Variants in ODF2 observed in about 807,000 individuals in gnomAD.
ODF2 encodes outer dense fiber of sperm tails 2.
In ODF2, 47 loss-of-function variants were observed where a neutral mutation model predicts 110.2. The observed-to-expected ratio is 0.43, with a 90% CI of 0.34 to 0.54. The LOEUF (loss-of-function observed/expected upper bound fraction) is 0.54, where lower values mean the gene tolerates loss of function less well. ODF2 is among the 20% of genes least tolerant of loss of function. ODF2 has a pLI of 0.03. For synonymous variants in ODF2, 352 were observed against 397.7 expected, an observed-to-expected ratio of 0.89 and a Z score of 1.37; for missense variants, 812 against 1,054.5, an observed-to-expected ratio of 0.77 and a Z score of 3.19.
intron 6 of ODF2, 118 bp from the exon 7 acceptor site, chr9:128,472,795 C>T (rs1840352853): frequency 1.3e-6 from 2 of 1,489,252 alleles, no homozygotes; most frequent in East Asian, 4.6e-5. Flanking sequence ...TGTCCCTGCC[C>T]CCTCCCCTAC....
chr9:128,457,457 C>T (rs567151601), intron 2 of ODF2: 4 of 1,601,412 alleles, frequency 2.5e-6, no homozygotes, highest in Admixed American at 3.4e-5. Flanking sequence ...ATGTGGGAGG[C>T]GCCTGCGCCG....
chr9:128,477,942 C>A (rs116488265), intron 8 of ODF2, among the ~76,000 whole-genome samples: 4,135 of 152,126 alleles, frequency 0.027, 186 homozygotes, highest in African/African-American at 0.095. Context: ...ATAGTTGATT[C>A]CCTTTTGTGT....
At chr9:128,473,214 C>T in intron 7 of ODF2, 172 bp downstream of exon 7, 1 of 985,218 alleles carries the variant, frequency 1.0e-6, no homozygotes, top group Non-Finnish European at 1.2e-6. Context: ...AATCCTTGAC[C>T]CTTGAAGATG....
intron 1 of ODF2, chr9:128,456,961 C>G (rs117532043): frequency 8.1e-7 from 1 of 1,237,626 alleles, no homozygotes; most frequent in Non-Finnish European, 1.0e-6. Context: ...CCCCAGCATC[C>G]CCGCGGCTCC....
exon 21 of ODF2, chr9:128,500,091 C>G (rs1289158484): frequency 6.2e-7 from 1 of 1,614,154 alleles, no homozygotes; most frequent in Non-Finnish European, 8.5e-7. Flanking sequence ...CCAGAGCCGG[C>G]TGCAAGACCT....
chr9:128,457,058 C>A, intron 1 of ODF2: 1 of 1,307,458 alleles, frequency 7.6e-7, no homozygotes, highest in Non-Finnish European at 9.9e-7. Flanking sequence ...CCTCAGGTTT[C>A]CCCCGGTAGC....
chr9:128,469,468 C>T, intron 5 of ODF2, 115 bp downstream of exon 5: 1 of 1,117,880 alleles, frequency 8.9e-7, no homozygotes, highest in Non-Finnish European at 1.3e-6. Context: ...GCCTCCTCTG[C>T]AGGGTTGCCC....
chr9:128,466,240 C>A (rs546120443), intron 4 of ODF2, among the ~76,000 whole-genome samples: 1 of 152,032 alleles, frequency 6.6e-6, no homozygotes, highest in South Asian at 2.1e-4. Context: ...CTAAGGCAGG[C>A]GGTTCACCTG....
chr9:128,484,515 TG>T (rs1218017522), intron 11 of ODF2, among the ~76,000 whole-genome samples, 185 bp from the exon 12 acceptor site: 2 of 152,132 alleles, frequency 1.3e-5, no homozygotes, highest in African/African-American at 4.8e-5. Context: ...CGTGGGGAGC[TG>T]GGAGGGACTG....
At chr9:128,496,264 A>G in intron 18 of ODF2, 123 bp downstream of exon 18, 1 of 1,532,816 alleles carries the variant, frequency 6.5e-7, no homozygotes, top group Non-Finnish European at 8.8e-7. Context: ...GGTACTAGGC[A>G]GACCTCAGAG....
chr9:128,468,616 G>A (rs1196593920), intron 4 of ODF2, among the ~76,000 whole-genome samples: 2 of 151,988 alleles, frequency 1.3e-5, no homozygotes, highest in Admixed American at 1.3e-4. Flanking sequence ...TCTACCTCCC[G>A]GGTTCAAGCG....
At chr9:128,487,507 G>A (rs1173760687) in intron 13 of ODF2, among the ~76,000 whole-genome samples, 1 of 152,108 alleles carries the variant, frequency 6.6e-6, no homozygotes, top group Non-Finnish European at 1.5e-5. Context: ...TGTGTAATTG[G>A]CCGGGTGCGG....
intron 16 of ODF2, among the ~76,000 whole-genome samples, chr9:128,493,575 A>C (rs1435311465): frequency 6.6e-6 from 1 of 152,098 alleles, no homozygotes; most frequent in African/African-American, 2.4e-5. Context: ...GGTTTGGCTG[A>C]TTAGAGCAGC....
chr9:128,496,714 T>TTATCTATCTATCTATC (rs56716979), intron 18 of ODF2, among the ~76,000 whole-genome samples: 136 of 149,470 alleles, frequency 9.1e-4, no homozygotes, highest in African/African-American at 3.2e-3. Flanking sequence ...AAGGTAGAGT[T>TTATCTATCTATCTATC]TATCTATCTA....
In ODF2 at chr9:128,496,081, A is replaced by AAC. The variant is rs763524277; in HGVS notation, c.1954_1955dup (p.Gln653IlefsTer11). On this transcript the variant is annotated frameshift_variant, in exon 18 of 21. Transcript: ENST00000604420. LOFTEE classifies it high-confidence loss of function. ...GACAAGCTGGAGATGGCGAGAGAGA[A>AAC]ACATCAGGCTTCCCAGAAGGAAAAT... 4.3e-6 allele frequency: 7 copies of AAC among 1,613,932 alleles called. No individual in the cohort carries two copies. Among genetic ancestry groups the AAC allele is most frequent in the Non-Finnish European group, 5.1e-6 (6 of 1,179,998 alleles).
chr9:128,456,544 T>C, intron 1 of ODF2: 1 of 1,527,184 alleles, frequency 6.5e-7, no homozygotes, highest in Non-Finnish European at 8.7e-7. Flanking sequence ...CCTTTCTCTC[T>C]ATGGGCAGAA....
At chr9:128,492,287 G>C in intron 14 of ODF2, 139 bp from the exon 15 acceptor site, 1 of 651,748 alleles carries the variant, frequency 1.5e-6, no homozygotes, top group African/African-American at 1.8e-5. Context: ...CCTGCTTCTC[G>C]GTGCTTCTCT....
chr9:128,473,178 G>T, intron 7 of ODF2, 136 bp downstream of exon 7: 1 of 1,466,158 alleles, frequency 6.8e-7, no homozygotes, highest in Non-Finnish European at 9.0e-7. Context: ...GCTTAACTAG[G>T]CCCCCACCCA....
chr9:128,478,701 G>A (rs1841837832), intron 8 of ODF2, among the ~76,000 whole-genome samples: 1 of 152,050 alleles, frequency 6.6e-6, no homozygotes. Context: ...GGAGATGAAG[G>A]GTCAGCTAAT....
Sources: gnomAD v4.1 joint callset for allele counts (sites outside exome capture counted in the v4.1 genomes callset) on GRCh38, gnomAD v4.1.1 for gene constraint, MANE v1.5 for transcripts, NCBI Gene and HGNC (gene_info 2026-07-23, HGNC 2026-07-21) for gene names.